Variants in PCCA observed in about 807,000 individuals in gnomAD.
PCCA encodes propionyl-CoA carboxylase alpha chain, mitochondrial.
In PCCA, 74 loss-of-function variants were observed where a neutral mutation model predicts 101.3. The observed-to-expected ratio is 0.73, with a 90% confidence interval of 0.61 to 0.89. The LOEUF (loss-of-function observed/expected upper bound fraction) is 0.89, where lower values mean the gene tolerates loss of function less well. PCCA is among the 40% of genes least tolerant of loss of function. The pLI, the probability that PCCA is intolerant of heterozygous loss-of-function variation, is 0.00. For missense variants in PCCA, 891 were observed against 907.0 expected, an observed-to-expected ratio of 0.98 and a Z score of 0.23; for synonymous variants, 294 against 313.6, an observed-to-expected ratio of 0.94 and a Z score of 0.66.
At position 100,382,464 on chromosome 13, in the gene PCCA, A is replaced by G. The variant is rs116368362; in HGVS notation, c.1746+13890A>G. 5.1e-3 allele frequency among the ~76,000 whole-genome samples: 778 copies of G among 152,218 alleles called. 15 individuals carry two copies. Among genetic ancestry groups the G allele is most frequent in the African/African-American group, 0.018 (755 of 41,540 alleles). ...ATTTGAGCTGGAAAACAGGGAGAGA[A>G]GTTCTCACTTTGGGCCACGGTCTCA... On this transcript the variant is annotated intron_variant, in intron 19 of 23. Transcript: ENST00000376285.
intron 19 of PCCA, among the ~76,000 whole-genome samples, chr13:100,389,357 G>A (rs2076690188): frequency 6.6e-6 from 1 of 152,142 alleles, no homozygotes; most frequent in Admixed American, 6.5e-5. Flanking sequence ...GGATGGAGCT[G>A]GAAGTCATTA....
chr13:100,293,135 T>C, intron 12 of PCCA: 1 of 443,090 alleles, frequency 2.3e-6, no homozygotes, highest in South Asian at 1.7e-5. Flanking sequence ...ACATGGTCAG[T>C]CAGCTGTCCA....
intron 12 of PCCA, among the ~76,000 whole-genome samples, chr13:100,297,171 G>C (rs2065613752): frequency 6.6e-6 from 1 of 152,152 alleles, no homozygotes. Context: ...TCCCATTATT[G>C]GTGGTGTTGG....
At chr13:100,134,335 C>G (rs565039120) in intron 4 of PCCA, among the ~76,000 whole-genome samples, 8 of 152,238 alleles carry the variant, frequency 5.3e-5, no homozygotes, top group Non-Finnish European at 1.0e-4. Flanking sequence ...TTTTCTCCCC[C>G]CATTTTTCCA....
intron 21 of PCCA, among the ~76,000 whole-genome samples, chr13:100,513,624 A>G (rs546765120): frequency 2.0e-5 from 3 of 152,324 alleles, no homozygotes; most frequent in Non-Finnish European, 4.4e-5. Context: ...ATATAACTAA[A>G]CTTAGTTTTT....
intron 21 of PCCA, among the ~76,000 whole-genome samples, chr13:100,484,512 A>G (rs1237811540): frequency 6.6e-6 from 1 of 152,230 alleles, no homozygotes; most frequent in African/African-American, 2.4e-5. Flanking sequence ...CTAGACTTCT[A>G]AACAACACGT....
chr13:100,441,964 A>G (rs2080397309), intron 20 of PCCA, among the ~76,000 whole-genome samples: 1 of 149,794 alleles, frequency 6.7e-6, no homozygotes, highest in Non-Finnish European at 1.5e-5. Context: ...TTTTCTTTAC[A>G]TCAATCTTTT....
At chr13:100,523,750 G>A (rs1196801973) in intron 22 of PCCA, among the ~76,000 whole-genome samples, 1 of 152,216 alleles carries the variant, frequency 6.6e-6, no homozygotes, top group Non-Finnish European at 1.5e-5. Flanking sequence ...ACACCAATTA[G>A]ACAGGGAGCG....
rs1018685292 is a variant in PCCA at position 100,257,608 on chromosome 13, G to C, written c.651G>C (p.Met217Ile). 6.2e-7 allele frequency: 1 copy of C among 1,613,414 alleles called. No individual in the cohort carries two copies. The highest frequency in any genetic ancestry group is 1.3e-5 in the African/African-American group (1 of 74,910). ...RIAREIGYPV[M>I]IKASAGGGGK... ...CCCTGCTGTTAGGCTACCCTGTCAT[G>C]ATCAAGGCCTCAGCAGGTGGTGGTG... Residue 217 changes from methionine (M) to isoleucine (I), a missense_variant, in exon 9 of 24, where the codon ATG (methionine) becomes ATC (isoleucine). Coordinates refer to ENST00000376285, the MANE Select transcript of PCCA (RefSeq NM_000282.4).
At chr13:100,527,390 G>C (rs1427356425) in intron 22 of PCCA, 2 of 538,390 alleles carry the variant, frequency 3.7e-6, no homozygotes, top group African/African-American at 3.8e-5. Flanking sequence ...GTTAGTGGCA[G>C]AGCCAGACTC....
At chr13:100,469,173 T>G (rs904973614) in intron 21 of PCCA, among the ~76,000 whole-genome samples, 1 of 126,746 alleles carries the variant, frequency 7.9e-6, no homozygotes, top group Non-Finnish European at 1.6e-5. Context: ...ATTGCGCCAT[T>G]GCACTCCAGC....
intron 12 of PCCA, among the ~76,000 whole-genome samples, chr13:100,296,100 T>G (rs189716422): frequency 2.6e-5 from 4 of 152,330 alleles, no homozygotes; most frequent in Admixed American, 1.3e-4. Flanking sequence ...TATCTGCTAT[T>G]GTATAACTAT....
intron 4 of PCCA, among the ~76,000 whole-genome samples, chr13:100,122,010 G>T (rs1566518189): frequency 6.6e-6 from 1 of 152,136 alleles, no homozygotes; most frequent in South Asian, 2.1e-4. Context: ...TTCATTATCA[G>T]GTGGAAGAAG....
At chr13:100,397,098 T>A (rs1436450284) in intron 19 of PCCA, among the ~76,000 whole-genome samples, 8 of 152,166 alleles carry the variant, frequency 5.3e-5, no homozygotes, top group African/African-American at 1.9e-4. Context: ...AACTCCCTGG[T>A]ATAAACCCCA....
At chr13:100,392,587 A>G (rs1057422521) in intron 19 of PCCA, among the ~76,000 whole-genome samples, 1 of 152,158 alleles carries the variant, frequency 6.6e-6, no homozygotes, top group Non-Finnish European at 1.5e-5. Flanking sequence ...GCAGTGTGTT[A>G]ATTTCCAGAA....
chr13:100,190,893 C>T (rs1041780844), intron 6 of PCCA, among the ~76,000 whole-genome samples: 43 of 151,998 alleles, frequency 2.8e-4, no homozygotes, highest in African/African-American at 9.2e-4. Flanking sequence ...GTCAGGAATT[C>T]GAGAACAGCC....
At chr13:100,099,025 T>TA (rs1335174783) in intron 1 of PCCA, among the ~76,000 whole-genome samples, 1 of 152,174 alleles carries the variant, frequency 6.6e-6, no homozygotes, top group East Asian at 1.9e-4. Context: ...CAAGATGAAG[T>TA]AAACTAATGT....
chr13:100,324,406 A>G (rs758881189), intron 16 of PCCA, among the ~76,000 whole-genome samples: 6 of 152,178 alleles, frequency 3.9e-5, no homozygotes, highest in Non-Finnish European at 8.8e-5. Flanking sequence ...TTTTTTTTCA[A>G]TAAATATATC....
intron 19 of PCCA, among the ~76,000 whole-genome samples, chr13:100,409,673 G>A (rs2077910608): frequency 6.6e-6 from 1 of 152,196 alleles, no homozygotes; most frequent in East Asian, 1.9e-4. Flanking sequence ...ACCTCCAGCA[G>A]TGGAGATTAC....
Sources: gnomAD v4.1 joint callset for allele counts (sites outside exome capture counted in the v4.1 genomes callset) on GRCh38, gnomAD v4.1.1 for gene constraint, MANE v1.5 for transcripts, NCBI Gene and HGNC (gene_info 2026-07-23, HGNC 2026-07-21) for gene names.